Variants in CRIM1 observed in about 807,000 individuals in gnomAD.
CRIM1 encodes the protein cysteine-rich motor neuron 1 protein.
A neutral mutation model predicts 116.4 loss-of-function variants in CRIM1; 32 were observed. The observed-to-expected ratio is 0.27, with a 90% CI of 0.21 to 0.37. The LOEUF (loss-of-function observed/expected upper bound fraction) is 0.37. CRIM1 is among the 10% of genes least tolerant of loss of function. The pLI is 1.00. For missense variants in CRIM1, 1,331 were observed against 1,354.8 expected, an observed-to-expected ratio of 0.98 and a Z score of 0.28; for synonymous variants, 590 against 509.2, an observed-to-expected ratio of 1.16 and a Z score of -2.13.
rs775214531 is a variant in CRIM1 at position 36,499,341 on chromosome 2, A to G, written c.1495A>G (p.Ile499Val). 7.4e-6 allele frequency: 12 copies of G among 1,614,126 alleles called. No individual in the cohort carries two copies. Among genetic ancestry groups the G allele is most frequent in the Middle Eastern group, 1.6e-4 (1 of 6,062 alleles). Residue 499 changes from isoleucine (I) to valine (V), a missense_variant, in exon 8 of 17, where the codon ATA becomes GTA. By Grantham distance (29) the Ile-to-Val change is conservative. Around this residue, in one of 3 missense-constraint regions of CRIM1, gnomAD observed 690 missense variants for 676.0 expected, o/e 1.02. Transcript: ENST00000280527. ...CAATGGTTGTCGGACCTGTCAGTGC[A>G]TAAACAGTGAGTAGACAGAAGACTG... is the stretch of plus-strand genomic sequence containing the variant. ...DHNGCRTCQCINTEELCSERK... is the reference protein window; with the variant it reads ...DHNGCRTCQCVNTEELCSERK...
chr2:36,390,684 T>C (rs1012688939), intron 1 of CRIM1, among the ~76,000 whole-genome samples: 2 of 152,102 alleles, frequency 1.3e-5, no homozygotes, highest in African/African-American at 4.8e-5. Flanking sequence ...AGAGGACATT[T>C]TAACCACGAG....
intron 2 of CRIM1, among the ~76,000 whole-genome samples, chr2:36,408,832 C>T (rs1673004705): frequency 6.6e-6 from 1 of 151,760 alleles, no homozygotes; most frequent in Admixed American, 6.6e-5. Context: ...AAGAAAGAGT[C>T]TGGGAGCATA....
At chr2:36,487,265 A>G (rs1679892526) in intron 7 of CRIM1, among the ~76,000 whole-genome samples, 1 of 152,148 alleles carries the variant, frequency 6.6e-6, no homozygotes, top group East Asian at 1.9e-4. Flanking sequence ...CCTATGAAGC[A>G]TGTTTGTTTA....
intron 2 of CRIM1, among the ~76,000 whole-genome samples, chr2:36,411,859 C>T (rs1453570061): frequency 6.6e-6 from 1 of 152,118 alleles, no homozygotes; most frequent in African/African-American, 2.4e-5. Flanking sequence ...ATATTATGCA[C>T]TTTGTAAATA....
At chr2:36,481,435 A>G (rs1679410974) in intron 7 of CRIM1, among the ~76,000 whole-genome samples, 1 of 152,200 alleles carries the variant, frequency 6.6e-6, no homozygotes, top group Non-Finnish European at 1.5e-5. Context: ...AAAGAGTTAC[A>G]GTTTTGGTGA....
At chr2:36,357,564 A>C (rs1668936771) in intron 1 of CRIM1, among the ~76,000 whole-genome samples, 1 of 152,014 alleles carries the variant, frequency 6.6e-6, no homozygotes, top group African/African-American at 2.4e-5. Context: ...GTCGGCCTTC[A>C]GGGTGCCTGG....
At chr2:36,357,846 C>T (rs1259863074) in intron 1 of CRIM1, among the ~76,000 whole-genome samples, 1 of 152,138 alleles carries the variant, frequency 6.6e-6, no homozygotes, top group Non-Finnish European at 1.5e-5. Flanking sequence ...TCCGAAGCAT[C>T]TTTGTGTGTG....
At position 36,498,864 on chromosome 2, in the gene CRIM1, C is replaced by T. The variant is rs569505025; in HGVS notation, c.1373-355C>T. Among the ~76,000 whole-genome samples the T allele has an allele frequency of 1.6e-4, 25 of 152,136 alleles. No homozygotes were observed. In the South Asian group the frequency reaches 5.0e-3, roughly 30 times the overall value. ...ATCCTGATTATTATAAAAAATAAAC[C>T]GGAAAACATCAGGAAGAAATAGAAG... On this transcript the variant is annotated intron_variant, in intron 7 of 16. Coordinates refer to ENST00000280527, the MANE Select transcript of CRIM1 (RefSeq NM_016441.3).
At chr2:36,462,767 T>C (rs1677682712) in intron 4 of CRIM1, among the ~76,000 whole-genome samples, 1 of 152,232 alleles carries the variant, frequency 6.6e-6, no homozygotes, top group Non-Finnish European at 1.5e-5. Flanking sequence ...CAGAGAGTTT[T>C]AAGTTGTACA....
At chr2:36,524,972 C>T (rs1365127794) in intron 13 of CRIM1, among the ~76,000 whole-genome samples, 4 of 152,072 alleles carry the variant, frequency 2.6e-5, no homozygotes, top group African/African-American at 4.8e-5. Context: ...TTCATATGAG[C>T]TCGTAATGGT....
intron 7 of CRIM1, among the ~76,000 whole-genome samples, chr2:36,496,109 C>T (rs888855847): frequency 2.0e-5 from 3 of 152,048 alleles, no homozygotes; most frequent in Non-Finnish European, 4.4e-5. Flanking sequence ...AGGGTATTAG[C>T]AGTAAGGACC....
chr2:36,370,080 A>G (rs1431233689), intron 1 of CRIM1, among the ~76,000 whole-genome samples: 2 of 152,250 alleles, frequency 1.3e-5, no homozygotes, highest in African/African-American at 4.8e-5. Context: ...TGCATTTGAA[A>G]AAACAGTTCT....
At chr2:36,538,382 T>C (rs1666703798) in intron 14 of CRIM1, among the ~76,000 whole-genome samples, 1 of 152,134 alleles carries the variant, frequency 6.6e-6, no homozygotes, top group African/African-American at 2.4e-5. Flanking sequence ...CAGACCCAAG[T>C]GAAGGCTCAC....
At chr2:36,539,494 G>A (rs1666794579) in intron 14 of CRIM1, among the ~76,000 whole-genome samples, 1 of 152,224 alleles carries the variant, frequency 6.6e-6, no homozygotes, top group Admixed American at 6.5e-5. Flanking sequence ...AAGGTTTGGA[G>A]CAGGGAGCGA....
chr2:36,510,982 G>C (rs1344922388), intron 9 of CRIM1, among the ~76,000 whole-genome samples: 1 of 146,220 alleles, frequency 6.8e-6, no homozygotes, highest in Non-Finnish European at 1.5e-5. Context: ...CCGTAGTGCA[G>C]TGGCACAAGC....
intron 11 of CRIM1, among the ~76,000 whole-genome samples, chr2:36,515,003 G>A (rs949496507): frequency 7.9e-5 from 12 of 152,128 alleles, no homozygotes; most frequent in East Asian, 7.7e-4. Flanking sequence ...CCTTTTTTCC[G>A]ATATTTTGCT....
intron 4 of CRIM1, among the ~76,000 whole-genome samples, chr2:36,461,236 T>C (rs945876895): frequency 2.0e-5 from 3 of 152,124 alleles, no homozygotes; most frequent in Non-Finnish European, 4.4e-5. Context: ...GGGAGAGGGC[T>C]TCAGAAATGA....
chr2:36,548,733 C>CTT lies in CRIM1; in HGVS notation c.*32_*33insTT. 1 of 1,525,738 alleles carries CTT rather than the reference C, an allele frequency of 6.6e-7. No individual in the cohort carries two copies. Among genetic ancestry groups the CTT allele is most frequent in the Non-Finnish European group, 8.8e-7 (1 of 1,133,484 alleles). 94.5% of individuals were successfully genotyped at this position (1,525,738 alleles called of 1,614,324 possible). Reference sequence around the variant, plus strand: ...GCAACTAGGATGAGGTTTCAAAAGACGGAAGACGACTAAATCTGCTCTAAA... The same window carrying CTT: ...GCAACTAGGATGAGGTTTCAAAAGACTTGGAAGACGACTAAATCTGCTCTAAA... On this transcript the variant is annotated 3_prime_UTR_variant, in exon 17 of 17. Transcript: ENST00000280527.
rs968484862 is a variant in CRIM1, at chr2:36,412,352, T to G, written c.505+15565T>G. 2.0e-5 allele frequency among the ~76,000 whole-genome samples: 3 copies of G among 152,196 alleles called. No individual in the cohort carries two copies. The South Asian group carries it at 6.2e-4, about 32-fold the overall frequency. Reference sequence around the variant, plus strand: ...TCGACATAGAATGGAAGTCACCAGATTTCTGCGTTTAACCCATTCTTGCCC... The same window carrying G: ...TCGACATAGAATGGAAGTCACCAGAGTTCTGCGTTTAACCCATTCTTGCCC... On this transcript the variant is annotated intron_variant, in intron 2 of 16. Coordinates refer to ENST00000280527, the MANE Select transcript of CRIM1 (RefSeq NM_016441.3).
Sources: gnomAD v4.1 joint callset for allele counts (sites outside exome capture counted in the v4.1 genomes callset) on GRCh38, gnomAD v4.1.1 for gene constraint, gnomAD v4.1.1 regional missense constraint, MANE v1.5 for transcripts, NCBI Gene and HGNC (gene_info 2026-07-23, HGNC 2026-07-21) for gene names.